The following MYBPC3 variants were observed in gnomAD, a reference collection of about 807,000 sequenced individuals.
The protein encoded by MYBPC3 is myosin-binding protein C, cardiac-type.
MYBPC3 carries 108 observed loss-of-function variants against 159.3 expected under a neutral mutation model. The ratio of observed to expected loss-of-function variants is 0.68; its 90% CI spans 0.58 to 0.80. The LOEUF is 0.80. MYBPC3 is among the 30% of genes least tolerant of loss of function. The probability of loss-of-function intolerance (pLI) is 0.00; values close to 1 mark genes in which losing one functional copy is unlikely to be tolerated. For missense variants in MYBPC3, 1,631 were observed against 1,762.1 expected (o/e 0.93, Z 1.33); for synonymous variants, 730 against 702.0 (o/e 1.04, Z -0.63).
rs397515918 is a variant in MYBPC3 at position 47,351,365 on chromosome 11, C to T, written c.166G>A (p.Gly56Ser). 38 of 1,606,724 alleles carry T rather than the reference C, an allele frequency of 2.4e-5. No homozygotes were observed. Among genetic ancestry groups the T allele is most frequent in the Middle Eastern group, 1.6e-4 (1 of 6,074 alleles). The change falls in exon 2 of 35, where the codon GGC (glycine) becomes AGC (serine). Residue 56 changes from glycine (G) to serine (S), a missense_variant. Gly to Ser is a moderately conservative substitution (Grantham distance 56, BLOSUM62 0). Coordinates refer to ENST00000545968, the MANE Select transcript of MYBPC3 (RefSeq NM_000256.3). The surrounding 1 kb of genome is among the most constrained non-coding windows in gnomAD (Gnocchi z 4.2). Reference sequence around the variant, plus strand: ...TGCCGTGTGCCCTCTGTGGCCAGGCCGTACTTGTTGCTGGCGCTGATGTCA... The same window carrying T: ...TGCCGTGTGCCCTCTGTGGCCAGGCTGTACTTGTTGCTGGCGCTGATGTCA... ...GSDISASNKYGLATEGTRHTL... is the reference protein window; with the variant it reads ...GSDISASNKYSLATEGTRHTL...
At chr11:47,340,461 G>A (rs976299501) in intron 20 of MYBPC3, among the ~76,000 whole-genome samples, 3 of 152,148 alleles carry the variant, frequency 2.0e-5, no homozygotes, top group African/African-American at 7.2e-5. Context: ...TCAGGAGATC[G>A]AAACCATCCT....
At position 47,332,764 on chromosome 11, in the gene MYBPC3, C is replaced by A; in HGVS notation, c.3490+50G>T. 1 of 1,584,132 alleles carries A rather than the reference C, an allele frequency of 6.3e-7. No homozygotes were observed. The highest frequency in any genetic ancestry group is 8.6e-7 in the Non-Finnish European group (1 of 1,164,232). Reference sequence around the variant, plus strand: ...CAAAGCTAGGCCCCTCTCCCTGTTCCCACAGCCTCCCTGCCCCAGCCCCTG... The same window carrying A: ...CAAAGCTAGGCCCCTCTCCCTGTTCACACAGCCTCCCTGCCCCAGCCCCTG... On this transcript the variant is annotated intron_variant, in intron 31 of 34. Coordinates refer to ENST00000545968, the MANE Select transcript of MYBPC3 (RefSeq NM_000256.3). This position sits in a 1 kb window ranked among gnomAD's most constrained non-coding sequence, Gnocchi z 4.2.
At chr11:47,335,598 A>G (rs1595842857) in intron 26 of MYBPC3, 2 of 341,868 alleles carry the variant, frequency 5.9e-6, no homozygotes, top group East Asian at 1.0e-4. Flanking sequence ...AAGTGCTGGG[A>G]TTACAGGCGT....
chr11:47,335,928 C>T lies in MYBPC3; in HGVS notation c.2686G>A (p.Val896Met), dbSNP rs35078470. 5.5e-3 allele frequency: 8,611 copies of T among 1,553,518 alleles called. 58 individuals carry two copies. The highest frequency in any genetic ancestry group is 5.7e-3 in the Non-Finnish European group (6,546 of 1,149,536). ...VSLKWRPPER[V>M]GAGGLDGYSV... is the part of the protein sequence containing the mutation. ...TAGCCATCCAGGCCTCCTGCTCCCACGCGCTCTGGGGGCCGCCACTTGAGG... is the reference window on the plus strand; with the variant it reads ...TAGCCATCCAGGCCTCCTGCTCCCATGCGCTCTGGGGGCCGCCACTTGAGG... Residue 896 changes from valine to methionine, a missense_variant, in exon 26 of 35, where the codon GTG (valine) becomes ATG (methionine). Val to Met is a conservative substitution (Grantham distance 21). Transcript: ENST00000545968.
intron 18 of MYBPC3, 22 bp downstream of exon 18, chr11:47,341,969 T>C (rs1358312771): frequency 6.4e-7 from 1 of 1,552,660 alleles, no homozygotes; most frequent in Non-Finnish European, 8.7e-7. Flanking sequence ...ACCTGTCCCA[T>C]CCACCTGCCC....
At position 47,341,146 on chromosome 11, in the gene MYBPC3, T is replaced by A. The variant is rs745859544; in HGVS notation, c.1889A>T (p.His630Leu). The stretch of plus-strand genomic sequence containing the variant: ...CCCTGGAGCAGGCTCACCCATGAAG[T>A]GGAGCTTGGCTGACAGGTTGCAGGC... ...GFACNLSAKL[H>L]FMEVKIDFVP... is the part of the protein sequence containing the mutation. The change falls in exon 19 of 35, where the codon CAC becomes CTC. Residue 630 changes from histidine to leucine, a missense_variant. Physicochemically the swap from His to Leu is moderately conservative, Grantham distance 99. Transcript: ENST00000545968. The A allele has an allele frequency of 6.3e-7, 1 of 1,594,284 alleles. No individual in the cohort carries two copies. The highest frequency in any genetic ancestry group is 2.3e-5 in the East Asian group (1 of 43,804).
At chr11:47,347,836 G>A in intron 7 of MYBPC3, 21 bp downstream of exon 7, 1 of 1,559,158 alleles carries the variant, frequency 6.4e-7, no homozygotes, top group South Asian at 1.2e-5. Context: ...CCTCCCCCAG[G>A]CCCTGAGGAT....
intron 22 of MYBPC3, 24 bp downstream of exon 22, chr11:47,339,300 C>G: frequency 6.2e-7 from 1 of 1,612,210 alleles, no homozygotes; most frequent in South Asian, 1.1e-5. Flanking sequence ...AAACGAGCCT[C>G]CTCCTGACCT....
In MYBPC3 at chr11:47,332,370, T is replaced by C; in HGVS notation, c.3628-112A>G. 1 of 1,445,294 alleles carries C rather than the reference T, an allele frequency of 6.9e-7. No individual in the cohort carries two copies. Among genetic ancestry groups the C allele is most frequent in the East Asian group, 2.3e-5 (1 of 43,866 alleles). 89.5% of individuals were successfully genotyped at this position (1,445,294 alleles called of 1,614,324 possible). A position where few individuals can be genotyped will look rare whatever the true frequency, so the allele number is the denominator to read the frequency against. On this transcript the variant is annotated intron_variant, in intron 32 of 34. Coordinates refer to ENST00000545968, the MANE Select transcript of MYBPC3 (RefSeq NM_000256.3). The surrounding 1 kb of genome is among the most constrained non-coding windows in gnomAD (Gnocchi z 4.2). ...ACTCGGGGGGTCCCACGAGAGTCCC[T>C]GACTATGCCCAAGGCTGGAAACAAA...
chr11:47,347,327 G>A, intron 9 of MYBPC3, 99 bp downstream of exon 9: 1 of 1,547,120 alleles, frequency 6.5e-7, no homozygotes, highest in East Asian at 2.4e-5. Context: ...TCAGAGAGGT[G>A]CAGTGTTGTG....
At position 47,335,959 on chromosome 11, in the gene MYBPC3, C is replaced by T. The variant is rs769996102; in HGVS notation, c.2655G>A (p.Thr885=). The change falls in exon 26 of 35, where the codon ACG becomes ACA. Residue 885 remains threonine (T), a synonymous_variant. Coordinates refer to ENST00000545968, the MANE Select transcript of MYBPC3 (RefSeq NM_000256.3). ...HLAVEDVSDT[T]VSLKWRPPER... is the part of the protein sequence containing the mutation. ...CTGGGGGCCGCCACTTGAGGGAGAC[C>T]GTGGTGTCAGAGACGTCCTCTACTG... The T allele has an allele frequency of 7.0e-6, 11 of 1,563,116 alleles. No individual in the cohort carries two copies. Among genetic ancestry groups the T allele is most frequent in the African/African-American group, 5.5e-5 (4 of 72,842 alleles).
chr11:47,337,317 C>G, intron 25 of MYBPC3, 74 bp downstream of exon 25: 2 of 1,452,224 alleles, frequency 1.4e-6, no homozygotes, highest in Non-Finnish European at 1.8e-6. Flanking sequence ...TGGCTGCCTG[C>G]AGAGCACCTG....
Position 47,332,855 on chromosome 11 carries a change from C to CT in MYBPC3, c.3448dup (p.Arg1150LysfsTer19). 6.2e-7 allele frequency: 1 copy of CT among 1,607,468 alleles called. No homozygotes were observed. The highest frequency in any genetic ancestry group is 8.5e-7 in the Non-Finnish European group (1 of 1,177,138). ...GACGGGCTCCTTGGTGGTGGCCGCT[C>CT]TGTCACTAAAGCCAACCATATTCTG... On this transcript the variant is annotated frameshift_variant, in exon 31 of 35. Coordinates refer to ENST00000545968, the MANE Select transcript of MYBPC3 (RefSeq NM_000256.3). LOFTEE classifies it high-confidence loss of function. This position sits in a 1 kb window ranked among gnomAD's most constrained non-coding sequence, Gnocchi z 4.2.
chr11:47,347,223 CTG>C lies in MYBPC3; in HGVS notation c.906-196_906-195del, dbSNP rs917432439. ...AAGTGTGGAGTGGCCGTGGGGGACA[CTG>C]TGAGGATGACTGTTGACGGGACATA... On this transcript the variant is annotated intron_variant, in intron 9 of 34. Transcript: ENST00000545968. 4 of 985,246 alleles carry C rather than the reference CTG, an allele frequency of 4.1e-6. No individual in the cohort carries two copies. In the African/African-American group the frequency reaches 7.0e-5, roughly 17 times the overall value. The allele number at this position is 985,246 out of a possible 1,614,324, so 61.0% of individuals were successfully genotyped here. A position where few individuals can be genotyped will look rare whatever the true frequency, so the allele number is the denominator to read the frequency against.
intron 20 of MYBPC3, among the ~76,000 whole-genome samples, chr11:47,340,598 C>T (rs1001201185): frequency 2.6e-5 from 4 of 151,906 alleles, no homozygotes; most frequent in African/African-American, 4.8e-5. Context: ...ACCTGGGAGG[C>T]GGAGCTTGCA....
In MYBPC3 at chr11:47,332,408, A is replaced by G. The variant is rs1250111944; in HGVS notation, c.3628-150T>C. On this transcript the variant is annotated intron_variant, in intron 32 of 34. Coordinates refer to ENST00000545968, the MANE Select transcript of MYBPC3 (RefSeq NM_000256.3). This position sits in a 1 kb window ranked among gnomAD's most constrained non-coding sequence, Gnocchi z 4.2. ...GGCTGGAAACAAACATGGAACCAAG[A>G]GTGAGTACCATGGCCCTGCCCAGGG... 1 of 1,411,936 alleles carries G rather than the reference A, an allele frequency of 7.1e-7. No individual in the cohort carries two copies. The highest frequency in any genetic ancestry group is 2.3e-5 in the East Asian group (1 of 43,296). 87.5% of individuals were successfully genotyped at this position (1,411,936 alleles called of 1,614,324 possible).
intron 18 of MYBPC3, 31 bp downstream of exon 18, chr11:47,341,960 C>T: frequency 6.4e-7 from 1 of 1,551,942 alleles, no homozygotes; most frequent in Non-Finnish European, 8.7e-7. Context: ...TCAGTCTCCA[C>T]CTGTCCCATC....
chr11:47,339,691 T>G lies in MYBPC3; in HGVS notation c.2027A>C (p.Asp676Ala). The stretch of plus-strand genomic sequence containing the variant: ...CTGCCAGATCACAGTGGGAGCAGGG[T>G]CCCCAGAGATAGGGACGTCCAGACG... ...KLRLDVPISGDPAPTVIWQKA... is the reference protein window; with the variant it reads ...KLRLDVPISGAPAPTVIWQKA... Residue 676 changes from aspartate to alanine, a missense_variant, in exon 21 of 35, where the codon GAC (aspartate) becomes GCC (alanine). Coordinates refer to ENST00000545968, the MANE Select transcript of MYBPC3 (RefSeq NM_000256.3). 1 of 1,612,774 alleles carries G rather than the reference T, an allele frequency of 6.2e-7. No homozygotes were observed. Among genetic ancestry groups the G allele is most frequent in the Non-Finnish European group, 8.5e-7 (1 of 1,179,234 alleles).
intron 12 of MYBPC3, among the ~76,000 whole-genome samples, chr11:47,344,937 C>T (rs1481818630): frequency 6.6e-6 from 1 of 152,046 alleles, no homozygotes; most frequent in Non-Finnish European, 1.5e-5. Context: ...ATTACAGGCG[C>T]CTGCCACCAT....
Sources: gnomAD v4.1 joint callset for allele counts (sites outside exome capture counted in the v4.1 genomes callset) on GRCh38, gnomAD v4.1.1 for gene constraint, Gnocchi (gnomAD v3.1) non-coding constraint, MANE v1.5 for transcripts, NCBI Gene and HGNC (gene_info 2026-07-23, HGNC 2026-07-21) for gene names.